Variants in TSHZ3 observed in about 807,000 individuals in gnomAD.
TSHZ3 encodes the protein teashirt zinc finger homeobox 3, also known as teashirt homolog 3.
In TSHZ3, 10 loss-of-function variants were observed where a neutral mutation model predicts 64.5. The ratio of observed to expected loss-of-function variants is 0.16; its 90% CI spans 0.10 to 0.26. TSHZ3 has a LOEUF of 0.26. Ranked by LOEUF, TSHZ3 falls within the 10% of genes least tolerant of loss-of-function variation. TSHZ3 has a pLI of 1.00. For missense variants in TSHZ3, 1,242 were observed against 1,421.7 expected (o/e 0.87, Z 2.03); for synonymous variants, 608 against 593.1 (o/e 1.03, Z -0.36).
At chr19:31,316,514 A>C (rs1043091481) in intron 1 of TSHZ3, among the ~76,000 whole-genome samples, 10 of 152,356 alleles carry the variant, frequency 6.6e-5, no homozygotes, top group African/African-American at 2.2e-4. Context: ...TGTTTCAGTG[A>C]GCACAGCACT....
chr19:31,312,101 T>C (rs1471999433), intron 1 of TSHZ3, among the ~76,000 whole-genome samples: 3 of 152,192 alleles, frequency 2.0e-5, no homozygotes, highest in Non-Finnish European at 2.9e-5. Context: ...AAAACAGGCA[T>C]GGTGACACCA....
chr19:31,163,683 A>T (rs1974400994), intron 5 of TSHZ3, among the ~76,000 whole-genome samples: 1 of 152,166 alleles, frequency 6.6e-6, no homozygotes, highest in African/African-American at 2.4e-5. Flanking sequence ...GTGAGCTGAG[A>T]TGGTACCACT....
intron 5 of TSHZ3, among the ~76,000 whole-genome samples, chr19:31,162,879 A>C (rs1208688889): frequency 6.6e-6 from 1 of 152,176 alleles, no homozygotes; most frequent in African/African-American, 2.4e-5. Flanking sequence ...CGTGGGAAGT[A>C]ATGGAATAAT....
At position 31,275,429 on chromosome 19, in the gene TSHZ3, C is replaced by CT. The variant is rs57983390; in HGVS notation, c.*1117dup. ...ATGTTTAGGAAATACAGTACAAGTTCTTTTTTTTTTTTTGTTCTTTTTTTT... is the reference window on the plus strand; with the variant it reads ...ATGTTTAGGAAATACAGTACAAGTTCTTTTTTTTTTTTTTGTTCTTTTTTTT... On this transcript the variant is annotated 3_prime_UTR_variant, in exon 2 of 2. Transcript: ENST00000240587. 35,138 of 144,138 alleles carry CT rather than the reference C, an allele frequency of 0.24. 4,616 individuals carry two copies. The highest frequency in any genetic ancestry group is 0.48 in the East Asian group (2,362 of 4,910). The allele number at this position is 144,138 out of a possible 1,614,324, so 8.9% of individuals were successfully genotyped here. A position where few individuals can be genotyped will look rare whatever the true frequency, so the allele number is the denominator to read the frequency against.
chr19:31,174,114 A>G (rs1241451951), intron 5 of TSHZ3, among the ~76,000 whole-genome samples: 2 of 152,326 alleles, frequency 1.3e-5, no homozygotes, highest in East Asian at 1.9e-4. Flanking sequence ...TCATGTGACT[A>G]TGGTGGCTTA....
At chr19:31,305,339 G>A (rs1406965168) in intron 1 of TSHZ3, 6 of 150,820 alleles carry the variant, frequency 4.0e-5, no homozygotes, top group African/African-American at 1.5e-4. Context: ...AAAGCCGCGT[G>A]TCAGTTTCTT....
At chr19:31,313,065 G>A (rs75588167) in intron 1 of TSHZ3, among the ~76,000 whole-genome samples, 6,870 of 152,226 alleles carry the variant, frequency 0.045, 524 homozygotes, top group African/African-American at 0.15. Flanking sequence ...GTGGTATGCA[G>A]AAACGTCAAA....
intron 1 of TSHZ3, among the ~76,000 whole-genome samples, chr19:31,248,634 T>G (rs554975084): frequency 4.4e-4 from 58 of 131,484 alleles, no homozygotes; most frequent in African/African-American, 1.8e-3. Context: ...AAAAAAAAGT[T>G]TAAAAGACTA....
chr19:31,277,778 C>G lies in TSHZ3; in HGVS notation c.2015G>C (p.Ser672Thr). 1.3e-6 allele frequency: 2 copies of G among 1,534,566 alleles called. No homozygotes were observed. The highest frequency in any genetic ancestry group is 2.3e-5 in the East Asian group (1 of 44,374). ...ATCCTTGCACCCATCCCGCGGGGGGCTGGGGCTGTTCTCCTGGCTGCGGAA... is the reference window on the plus strand; with the variant it reads ...ATCCTTGCACCCATCCCGCGGGGGGGTGGGGCTGTTCTCCTGGCTGCGGAA... Reference protein sequence around the residue: ...GGFRSQENSPSPPRDGCKDGS... With the variant: ...GGFRSQENSPTPPRDGCKDGS... Residue 672 changes from serine to threonine, a missense_variant, in exon 2 of 2, where the codon AGC becomes ACC. Ser to Thr is a moderately conservative substitution (Grantham distance 58). Around this residue, in one of 4 missense-constraint regions of TSHZ3, gnomAD observed 550 missense variants for 545.1 expected, o/e 1.01. Coordinates refer to ENST00000240587, the MANE Select transcript of TSHZ3 (RefSeq NM_020856.4). The surrounding 1 kb of genome is among the most constrained non-coding windows in gnomAD (Gnocchi z 4.5).
chr19:31,224,288 G>C (rs1427132316), intron 4 of TSHZ3, among the ~76,000 whole-genome samples: 4 of 152,200 alleles, frequency 2.6e-5, no homozygotes, highest in African/African-American at 9.6e-5. Context: ...AGGGAGTAGA[G>C]AGCGGGAGTT....
At chr19:31,228,540 A>AT (rs1975501562) in intron 3 of TSHZ3, among the ~76,000 whole-genome samples, 1 of 151,590 alleles carries the variant, frequency 6.6e-6, no homozygotes, top group Non-Finnish European at 1.5e-5. Flanking sequence ...AAAAAAAAAA[A>AT]AAATTATTAG....
chr19:31,205,354 C>T (rs756182898), intron 4 of TSHZ3, among the ~76,000 whole-genome samples: 6 of 152,160 alleles, frequency 3.9e-5, no homozygotes, highest in Non-Finnish European at 8.8e-5. Flanking sequence ...CCTTTCCTGC[C>T]CCTTTTTTAT....
intron 1 of TSHZ3, among the ~76,000 whole-genome samples, chr19:31,321,558 G>T (rs1161451823): frequency 2.0e-5 from 3 of 152,160 alleles, no homozygotes; most frequent in Admixed American, 6.5e-5. Context: ...GCAGACTCAC[G>T]CCAGGTTAAC....
intron 1 of TSHZ3, among the ~76,000 whole-genome samples, chr19:31,287,906 C>T (rs1976492001): frequency 6.6e-6 from 1 of 152,018 alleles, no homozygotes; most frequent in Non-Finnish European, 1.5e-5. Flanking sequence ...TCCCTGAATA[C>T]TCAGATTTTC....
At chr19:31,295,064 C>T (rs2145134507) in intron 1 of TSHZ3, among the ~76,000 whole-genome samples, 1 of 152,300 alleles carries the variant, frequency 6.6e-6, no homozygotes, top group Admixed American at 6.5e-5. Context: ...TAAGGGTGTT[C>T]TCATCAGTAT....
chr19:31,240,229 A>T (rs1388605417), intron 3 of TSHZ3, among the ~76,000 whole-genome samples: 9 of 152,174 alleles, frequency 5.9e-5, no homozygotes, highest in Non-Finnish European at 2.9e-5. Flanking sequence ...ACATTATGTA[A>T]AATTTTCAAG....
At position 31,277,019 on chromosome 19, in the gene TSHZ3, G is replaced by A; in HGVS notation, c.2774C>T (p.Ser925Leu). The A allele has an allele frequency of 6.2e-7, 1 of 1,612,088 alleles. No individual in the cohort carries two copies. The highest frequency in any genetic ancestry group is 8.5e-7 in the Non-Finnish European group (1 of 1,178,664). The change falls in exon 2 of 2, where the codon TCA becomes TTA. Residue 925 changes from serine to leucine, a missense_variant. Physicochemically the swap from Ser to Leu is moderately radical, Grantham distance 145. Around this residue, in one of 4 missense-constraint regions of TSHZ3, gnomAD observed 550 missense variants for 545.1 expected, o/e 1.01. Transcript: ENST00000240587. This position sits in a 1 kb window ranked among gnomAD's most constrained non-coding sequence, Gnocchi z 4.5. ...RQTSEGKYIM[S>L]DLSPQERMHI... is the part of the protein sequence containing the mutation. Reference sequence around the variant, plus strand: ...CATCCGCTCCTGGGGGCTCAGGTCTGACATGATGTACTTCCCTTCTGAGGT... The same window carrying A: ...CATCCGCTCCTGGGGGCTCAGGTCTAACATGATGTACTTCCCTTCTGAGGT...
At position 31,277,351 on chromosome 19, in the gene TSHZ3, G is replaced by A; in HGVS notation, c.2442C>T (p.Ala814=). The A allele has an allele frequency of 1.2e-6, 2 of 1,614,036 alleles. No individual in the cohort carries two copies. The highest frequency in any genetic ancestry group is 1.7e-6 in the Non-Finnish European group (2 of 1,179,870). Reference sequence around the variant, plus strand: ...TCACCGTGGATGAGGAGGTTGCCGGGGCTGTGGACGTGGGTGACAGAAGCA... The same window carrying A: ...TCACCGTGGATGAGGAGGTTGCCGGAGCTGTGGACGTGGGTGACAGAAGCA... ...GSVLLSPTST[A]PATSSSTVTT... is the part of the protein sequence containing the mutation. Residue 814 remains alanine, a synonymous_variant, in exon 2 of 2, where the codon GCC becomes GCT. Transcript: ENST00000240587. The surrounding 1 kb of genome is among the most constrained non-coding windows in gnomAD (Gnocchi z 4.5).
chr19:31,240,131 G>T (rs1975668743), intron 3 of TSHZ3, among the ~76,000 whole-genome samples: 1 of 151,850 alleles, frequency 6.6e-6, no homozygotes, highest in African/African-American at 2.4e-5. Context: ...CTAAATGCTG[G>T]TGTGCTCCTT....
Sources: allele counts gnomAD v4.1 joint callset (sites outside exome capture counted in the v4.1 genomes callset), GRCh38; gene constraint gnomAD v4.1.1; regional missense constraint gnomAD v4.1.1; non-coding constraint Gnocchi (gnomAD v3.1); transcripts MANE v1.5; gene names NCBI Gene and HGNC (gene_info 2026-07-23, HGNC 2026-07-21).